The following JAKMIP3 variants were observed in gnomAD, a reference collection of about 807,000 sequenced individuals.
JAKMIP3 encodes the protein janus kinase and microtubule-interacting protein 3.
Under a neutral mutation model 118.5 loss-of-function variants are expected in JAKMIP3, and 58 were observed. The ratio of observed to expected loss-of-function variants is 0.49; its 90% CI spans 0.40 to 0.61. The LOEUF is 0.61. Among genes scored for constraint, JAKMIP3 ranks in the 20% least tolerant of loss-of-function variants. JAKMIP3 has a pLI of 0.00. For missense variants in JAKMIP3, 950 were observed against 1,109.0 expected (o/e 0.86, Z 2.04); for synonymous variants, 486 against 451.2 (o/e 1.08, Z -0.98).
chr10:132,127,371 C>T (rs1027557246), intron 3 of JAKMIP3, among the ~76,000 whole-genome samples: 10 of 150,218 alleles, frequency 6.7e-5, no homozygotes, highest in African/African-American at 2.0e-4. Flanking sequence ...TACAGGTGTG[C>T]GCCACCATGC....
chr10:132,159,697 G>A (rs1479048396), intron 19 of JAKMIP3, among the ~76,000 whole-genome samples: 1 of 109,180 alleles, frequency 9.2e-6, no homozygotes, highest in Non-Finnish European at 1.8e-5. Context: ...ATGCTCAGGG[G>A]GCCTCTCCCT....
intron 1 of JAKMIP3, among the ~76,000 whole-genome samples, chr10:132,047,284 T>C (rs938054608): frequency 1.3e-5 from 2 of 152,202 alleles, no homozygotes; most frequent in African/African-American, 4.8e-5. Context: ...GCATTGGCTA[T>C]CCATAGCTAA....
chr10:132,159,975 T>G (rs1365602248), intron 19 of JAKMIP3, among the ~76,000 whole-genome samples: 66 of 6,296 alleles, frequency 0.01, no homozygotes, highest in South Asian at 0.037. Flanking sequence ...GTGATGCTGG[T>G]GGGGGTCTAC....
upstream of JAKMIP3, among the ~76,000 whole-genome samples, chr10:132,064,485 G>A (rs1479759962): frequency 6.6e-6 from 1 of 151,532 alleles, no homozygotes; most frequent in Non-Finnish European, 1.5e-5. The surrounding 1 kb of genome is among the most constrained non-coding windows in gnomAD (Gnocchi z 4.4). Flanking sequence ...CAACACGGGA[G>A]GGGTCTGGAT....
At chr10:132,160,179 A>G (rs2057934602) in intron 19 of JAKMIP3, among the ~76,000 whole-genome samples, 1 of 33,192 alleles carries the variant, frequency 3.0e-5, no homozygotes, top group Admixed American at 4.3e-4. Context: ...TTCCTGTGTG[A>G]TGCTGGGTGG....
intron 23 of JAKMIP3, among the ~76,000 whole-genome samples, chr10:132,178,029 G>A (rs1265060285): frequency 6.6e-6 from 1 of 152,254 alleles, no homozygotes; most frequent in African/African-American, 2.4e-5. Flanking sequence ...TTGGTTGTGT[G>A]TGAACCTGCT....
chr10:132,164,703 C>T lies in JAKMIP3; in HGVS notation c.2458C>T (p.Gln820Ter). The change falls in exon 21 of 24, where the codon CAG becomes TAG. Residue 820 changes from glutamine to a stop codon, truncating the protein, a stop_gained. Coordinates refer to ENST00000684848, the MANE Select transcript of JAKMIP3 (RefSeq NM_001323087.2). LOFTEE classifies it high-confidence loss of function. The part of the protein sequence containing the change: ...IKELEERIEA[Q>*]KRQIKELEEK... ...AGAGTTAGAAGAAAGAATAGAAGCT[C>T]AGAAGAGACAAATAAAGGAACTGGA... 1 of 1,602,636 alleles carries T rather than the reference C, an allele frequency of 6.2e-7. No homozygotes were observed. Among genetic ancestry groups the T allele is most frequent in the Non-Finnish European group, 8.5e-7 (1 of 1,169,808 alleles).
At chr10:132,163,187 G>C (rs759398325) in intron 19 of JAKMIP3, 22 bp from the exon 20 acceptor site, 1 of 1,546,330 alleles carries the variant, frequency 6.5e-7, no homozygotes. Context: ...CAAGGACTAA[G>C]GCGTCTCCCC....
chr10:132,096,552 T>C (rs1413531518), intron 1 of JAKMIP3, among the ~76,000 whole-genome samples: 2 of 152,206 alleles, frequency 1.3e-5, no homozygotes, highest in African/African-American at 2.4e-5. Flanking sequence ...ACACTTGTTG[T>C]GTAACTGAAA....
At chr10:132,077,500 T>C (rs924248819) in intron 1 of JAKMIP3, among the ~76,000 whole-genome samples, 8 of 152,168 alleles carry the variant, frequency 5.3e-5, no homozygotes, top group Non-Finnish European at 8.8e-5. Flanking sequence ...CATTTGAGGG[T>C]TTGTCACCAT....
At chr10:132,177,479 A>C (rs1403390012) in intron 23 of JAKMIP3, among the ~76,000 whole-genome samples, 1 of 142,354 alleles carries the variant, frequency 7.0e-6, no homozygotes, top group Non-Finnish European at 1.5e-5. Flanking sequence ...CACACTGTGC[A>C]TTTGGTCGTG....
intron 3 of JAKMIP3, among the ~76,000 whole-genome samples, chr10:132,129,508 C>G (rs2050183406): frequency 6.6e-6 from 1 of 152,232 alleles, no homozygotes; most frequent in Non-Finnish European, 1.5e-5. Context: ...ATCCCAGCTG[C>G]TGTGGCAGCC....
At chr10:132,066,268 T>C (rs1471928358) in intron 1 of JAKMIP3, among the ~76,000 whole-genome samples, 2 of 152,240 alleles carry the variant, frequency 1.3e-5, no homozygotes, top group Non-Finnish European at 2.9e-5. Context: ...ACGTTCATGC[T>C]CATGCACACA....
rs202107302 is a variant in JAKMIP3, at chr10:132,149,559, C to T, written c.1947+49C>T. On this transcript the variant is annotated intron_variant, in intron 15 of 23. Transcript: ENST00000684848. ...CTCCGCCCCCACCTCACCCATCCCC[C>T]GCCCCACCCCCTCTCCGCCCCCGCC... is the stretch of plus-strand genomic sequence containing the variant. 1,457 of 815,358 alleles carry T rather than the reference C, an allele frequency of 1.8e-3. 41 individuals are homozygous for T. Among genetic ancestry groups the T allele is most frequent in the Non-Finnish European group, 2.3e-3 (1,266 of 561,220 alleles). 50.5% of individuals were successfully genotyped at this position (815,358 alleles called of 1,614,324 possible).
chr10:132,074,953 G>T (rs1265627733), intron 1 of JAKMIP3, among the ~76,000 whole-genome samples: 1 of 152,140 alleles, frequency 6.6e-6, no homozygotes, highest in Non-Finnish European at 1.5e-5. Flanking sequence ...CCCAGTGCAT[G>T]TTTTTGTTGA....
intron 5 of JAKMIP3, 122 bp from the exon 6 acceptor site, chr10:132,135,808 C>T: frequency 9.0e-7 from 1 of 1,109,782 alleles, no homozygotes; most frequent in Non-Finnish European, 1.3e-6. Context: ...GTGGACTTCC[C>T]AAGTAGAGGG....
chr10:132,098,336 C>T lies in JAKMIP3; in HGVS notation c.-137-6336C>T, dbSNP rs146794117. 1.7e-3 allele frequency among the ~76,000 whole-genome samples: 253 copies of T among 152,242 alleles called. 1 individual carries two copies. The highest frequency in any genetic ancestry group is 2.2e-3 in the Non-Finnish European group (151 of 68,022). On this transcript the variant is annotated intron_variant, in intron 1 of 23. Coordinates refer to ENST00000684848, the MANE Select transcript of JAKMIP3 (RefSeq NM_001323087.2). ...ACTGTGCCCAGCCAAGATCGCCTTTCAGTACAAAGTGAAATGTGCTAGATT... is the reference window on the plus strand; with the variant it reads ...ACTGTGCCCAGCCAAGATCGCCTTTTAGTACAAAGTGAAATGTGCTAGATT...
chr10:132,128,338 CT>C (rs1461585169), intron 3 of JAKMIP3, among the ~76,000 whole-genome samples: 6 of 152,142 alleles, frequency 3.9e-5, no homozygotes, highest in Non-Finnish European at 5.9e-5. Flanking sequence ...AAGATATTCT[CT>C]TTAACTCTGG....
intron 9 of JAKMIP3, among the ~76,000 whole-genome samples, chr10:132,139,064 G>GTGTGTA (rs1450063710): frequency 1.3e-5 from 2 of 151,132 alleles, no homozygotes; most frequent in African/African-American, 2.4e-5. Context: ...GTGTGTGTGT[G>GTGTGTA]TGTGTATGTG....
Sources: allele counts gnomAD v4.1 joint callset (sites outside exome capture counted in the v4.1 genomes callset), GRCh38; gene constraint gnomAD v4.1.1; non-coding constraint Gnocchi (gnomAD v3.1); transcripts MANE v1.5; gene names NCBI Gene and HGNC (gene_info 2026-07-23, HGNC 2026-07-21).